DIP2C: variants seen among roughly 807,000 people sequenced by gnomAD.
DIP2C encodes DIP2 acetate--CoA ligase C (putative), also known as disco-interacting protein 2 homolog C.
Under a neutral mutation model 192.4 loss-of-function variants are expected in DIP2C, and 33 were observed. The observed-to-expected ratio is 0.17, with a 90% CI of 0.13 to 0.23. DIP2C has a LOEUF of 0.23. Ranked by LOEUF, DIP2C falls within the 10% of genes least tolerant of loss-of-function variation. DIP2C has a pLI of 1.00. For missense variants in DIP2C, 1,537 were observed against 2,110.1 expected (o/e 0.73, Z 5.32); for synonymous variants, 979 against 864.1 (o/e 1.13, Z -2.33).
intron 31 of DIP2C, among the ~76,000 whole-genome samples, chr10:321,059 C>T (rs190083649): frequency 7.9e-5 from 12 of 152,222 alleles, no homozygotes; most frequent in Non-Finnish European, 4.4e-5. Flanking sequence ...AACAACTGCA[C>T]GAAGGGGAGG....
At chr10:355,695 ATGTAAAG>A (rs1433548077) in intron 24 of DIP2C, among the ~76,000 whole-genome samples, 1 of 152,356 alleles carries the variant, frequency 6.6e-6, no homozygotes, top group South Asian at 2.1e-4. Context: ...TAGTTTTCTC[ATGTAAAG>A]TGTAAACAGG....
intron 29 of DIP2C, among the ~76,000 whole-genome samples, chr10:330,501 T>C (rs1957456303): frequency 6.7e-6 from 1 of 149,694 alleles, no homozygotes. Flanking sequence ...CGTTCTAAGA[T>C]TTACAATTTA....
intron 24 of DIP2C, among the ~76,000 whole-genome samples, chr10:353,698 T>G (rs932989317): frequency 6.6e-6 from 1 of 152,146 alleles, no homozygotes; most frequent in Non-Finnish European, 1.5e-5. Context: ...TTAAATGAGC[T>G]TGTGACTACA....
intron 1 of DIP2C, among the ~76,000 whole-genome samples, chr10:596,116 T>A (rs1291948592): frequency 6.6e-6 from 1 of 152,144 alleles, no homozygotes; most frequent in African/African-American, 2.4e-5. Context: ...TTTTAAAGAT[T>A]CACGCGAGAA....
rs950838698 is a variant in DIP2C, at chr10:652,303, G to A, written c.85+37191C>T. 6 of 208,786 alleles carry A rather than the reference G, an allele frequency of 2.9e-5. No homozygotes were observed. Among genetic ancestry groups the A allele is most frequent in the South Asian group, 6.0e-5 (1 of 16,806 alleles). 12.9% of individuals were successfully genotyped at this position (208,786 alleles called of 1,614,324 possible). A position where few individuals can be genotyped will look rare whatever the true frequency, so the allele number is the denominator to read the frequency against. On this transcript the variant is annotated intron_variant, in intron 1 of 36. Coordinates refer to ENST00000280886, the MANE Select transcript of DIP2C (RefSeq NM_014974.3). This position sits in a 1 kb window ranked among gnomAD's most constrained non-coding sequence, Gnocchi z 4.5. ...CCTCCATCCTGAGGGCATCTTCCTC[G>A]GCATCTTCCTCCATCGACAGCAGCC...
At chr10:384,368 G>T (rs540197072) in intron 15 of DIP2C, among the ~76,000 whole-genome samples, 178 bp downstream of exon 15, 1 of 144,166 alleles carries the variant, frequency 6.9e-6, no homozygotes, top group Non-Finnish European at 1.5e-5. Flanking sequence ...CTCCCGAGTA[G>T]CTGGGATTAT....
intron 1 of DIP2C, among the ~76,000 whole-genome samples, chr10:584,493 C>T (rs569073115): frequency 6.4e-5 from 9 of 140,972 alleles, no homozygotes; most frequent in Middle Eastern, 3.8e-3. Context: ...CCCACTCACG[C>T]GCATCACCTC....
At chr10:436,075 A>G (rs1221123434) in intron 4 of DIP2C, among the ~76,000 whole-genome samples, 1 of 152,188 alleles carries the variant, frequency 6.6e-6, no homozygotes, top group Non-Finnish European at 1.5e-5. Flanking sequence ...TCTATTTTTT[A>G]TATTAACTGG....
intron 1 of DIP2C, among the ~76,000 whole-genome samples, chr10:660,616 T>TA (rs1355975959): frequency 2.0e-5 from 3 of 152,354 alleles, no homozygotes; most frequent in Admixed American, 1.3e-4. Context: ...GGATGACTTT[T>TA]AAAATGTGCA....
chr10:603,385 C>T (rs1475046344), intron 1 of DIP2C, among the ~76,000 whole-genome samples: 3 of 147,264 alleles, frequency 2.0e-5, no homozygotes, highest in East Asian at 2.0e-4. Flanking sequence ...AGATTCTATA[C>T]CCCAACCCTT....
intron 1 of DIP2C, among the ~76,000 whole-genome samples, chr10:610,752 A>G (rs1853040264): frequency 6.6e-6 from 1 of 150,630 alleles, no homozygotes; most frequent in Non-Finnish European, 1.5e-5. Flanking sequence ...GTGGTTTCTA[A>G]CCCCCCAGTG....
At chr10:563,724 AGAGG>A (rs1849328313) in intron 1 of DIP2C, among the ~76,000 whole-genome samples, 1 of 152,250 alleles carries the variant, frequency 6.6e-6, no homozygotes, top group Non-Finnish European at 1.5e-5. Context: ...AGATGCGTCC[AGAGG>A]AAGAGAGACT....
At chr10:604,596 G>A (rs557509282) in intron 1 of DIP2C, among the ~76,000 whole-genome samples, 1 of 152,328 alleles carries the variant, frequency 6.6e-6, no homozygotes, top group Non-Finnish European at 1.5e-5. Flanking sequence ...TCAAATATAA[G>A]GAGCTTTCAA....
intron 35 of DIP2C, 22 bp from the exon 36 acceptor site, chr10:281,345 C>T (rs753424887): frequency 1.0e-5 from 16 of 1,588,986 alleles, no homozygotes; most frequent in Admixed American, 5.2e-5. Flanking sequence ...TGACAGCCTG[C>T]GTAAGCTTCC....
intron 21 of DIP2C, 109 bp from the exon 22 acceptor site, chr10:362,800 G>A (rs1959695423): frequency 2.5e-6 from 3 of 1,218,962 alleles, no homozygotes; most frequent in Non-Finnish European, 3.4e-6. Flanking sequence ...TGCAGTATAA[G>A]CACTGTTCCC....
At chr10:506,307 C>G (rs957718036) in intron 1 of DIP2C, among the ~76,000 whole-genome samples, 3 of 152,146 alleles carry the variant, frequency 2.0e-5, no homozygotes, top group African/African-American at 7.2e-5. Flanking sequence ...GAAGAGCAGA[C>G]AAGCTGCATG....
At chr10:519,189 G>A (rs1189206285) in intron 1 of DIP2C, among the ~76,000 whole-genome samples, 3 of 152,230 alleles carry the variant, frequency 2.0e-5, no homozygotes, top group African/African-American at 7.2e-5. Context: ...ACGATCTCCT[G>A]GCTGCAGGGT....
At position 633,759 on chromosome 10, in the gene DIP2C, A is replaced by G. The variant is rs148382072; in HGVS notation, c.85+55735T>C. ...AACTCCCTCCACCCATTGAAGCACA[A>G]GAAATGCAAACAGCCTCTGAAATAA... On this transcript the variant is annotated intron_variant, in intron 1 of 36. Transcript: ENST00000280886. Among the ~76,000 whole-genome samples the G allele has an allele frequency of 2.0e-3, 312 of 152,364 alleles. 2 individuals are homozygous for G. Among genetic ancestry groups the G allele is most frequent in the African/African-American group, 7.1e-3 (297 of 41,600 alleles).
intron 26 of DIP2C, among the ~76,000 whole-genome samples, chr10:345,404 G>T (rs547817770): frequency 6.6e-6 from 1 of 151,936 alleles, no homozygotes; most frequent in East Asian, 1.9e-4. Flanking sequence ...CATTAGATCT[G>T]TTCTCCTGGA....
Sources: gnomAD v4.1 joint callset for allele counts (sites outside exome capture counted in the v4.1 genomes callset) on GRCh38, gnomAD v4.1.1 for gene constraint, Gnocchi (gnomAD v3.1) non-coding constraint, MANE v1.5 for transcripts, NCBI Gene and HGNC (gene_info 2026-07-23, HGNC 2026-07-21) for gene names.